Variants in TRAPPC9 observed in about 807,000 individuals in gnomAD.
The protein encoded by TRAPPC9 is trafficking protein particle complex subunit 9.
Under a neutral mutation model 124.0 loss-of-function variants are expected in TRAPPC9, and 83 were observed. The observed-to-expected ratio is 0.67, with a 90% CI of 0.56 to 0.80. TRAPPC9 has a LOEUF of 0.80. Ranked by LOEUF, TRAPPC9 falls within the 30% of genes least tolerant of loss-of-function variation. The pLI, the probability that TRAPPC9 is intolerant of heterozygous loss-of-function variation, is 0.00. For synonymous variants in TRAPPC9, 638 were observed against 617.5 expected (o/e 1.03, Z -0.49); for missense variants, 1,302 against 1,508.3 (o/e 0.86, Z 2.27).
chr8:139,755,718 A>G (rs1225354345), intron 21 of TRAPPC9, among the ~76,000 whole-genome samples: 1 of 136,830 alleles, frequency 7.3e-6, no homozygotes, highest in African/African-American at 2.8e-5. Flanking sequence ...ATGTCGCAGG[A>G]GGAGCCAGGG....
intron 8 of TRAPPC9, among the ~76,000 whole-genome samples, chr8:140,370,294 C>A (rs2068244422): frequency 6.6e-6 from 1 of 152,038 alleles, no homozygotes; most frequent in Non-Finnish European, 1.5e-5. Flanking sequence ...CGCACGCCAC[C>A]ATGCCCAGCT....
At chr8:139,975,052 C>T (rs1006319554) in intron 19 of TRAPPC9, among the ~76,000 whole-genome samples, 1 of 152,160 alleles carries the variant, frequency 6.6e-6, no homozygotes, top group African/African-American at 2.4e-5. Flanking sequence ...CTCTCCAGCT[C>T]ACTCTCCAGG....
chr8:140,036,127 C>T (rs1308812005), intron 17 of TRAPPC9, among the ~76,000 whole-genome samples: 1 of 152,100 alleles, frequency 6.6e-6, no homozygotes, highest in Non-Finnish European at 1.5e-5. Context: ...ACCACACAGG[C>T]ACACCAGGCT....
intron 21 of TRAPPC9, among the ~76,000 whole-genome samples, chr8:139,749,886 G>C (rs897626563): frequency 6.6e-6 from 1 of 152,200 alleles, no homozygotes; most frequent in Non-Finnish European, 1.5e-5. Flanking sequence ...TTAGAAGCGG[G>C]GCCACAGGCA....
intron 8 of TRAPPC9, among the ~76,000 whole-genome samples, chr8:140,363,889 C>T (rs115332496): frequency 0.03 from 4,567 of 152,274 alleles, 134 homozygotes; most frequent in African/African-American, 0.078. Context: ...TCAGCCACTG[C>T]ACCCGGCCCC....
chr8:140,088,428 T>A (rs73725398), intron 17 of TRAPPC9, among the ~76,000 whole-genome samples: 1 of 152,116 alleles, frequency 6.6e-6, no homozygotes, highest in Non-Finnish European at 1.5e-5. Context: ...AATGGAAAAG[T>A]TGTAGCACAG....
intron 17 of TRAPPC9, among the ~76,000 whole-genome samples, chr8:140,114,085 T>C (rs535656885): frequency 3.3e-5 from 5 of 152,324 alleles, no homozygotes; most frequent in Non-Finnish European, 5.9e-5. Context: ...GCACCCAGTA[T>C]GCACCTCCAG....
chr8:139,981,311 C>T (rs4310182), intron 19 of TRAPPC9, among the ~76,000 whole-genome samples: 31,306 of 152,112 alleles, frequency 0.21, 4,068 homozygotes, highest in African/African-American at 0.38. Context: ...TCCATCTCCC[C>T]GCATCAGCTG....
intron 15 of TRAPPC9, among the ~76,000 whole-genome samples, chr8:140,266,355 T>C (rs6578090): frequency 0.79 from 120,382 of 151,752 alleles, 48,434 homozygotes; most frequent in African/African-American, 0.95. Context: ...CCCAGCTACT[T>C]GGAACGCTAA....
chr8:139,734,096 G>A (rs1818006860), intron 21 of TRAPPC9, among the ~76,000 whole-genome samples: 1 of 152,210 alleles, frequency 6.6e-6, no homozygotes. Flanking sequence ...CCAATTCCCA[G>A]CGAGTCCTGG....
At chr8:139,951,997 A>C (rs1834674544) in intron 19 of TRAPPC9, among the ~76,000 whole-genome samples, 1 of 152,210 alleles carries the variant, frequency 6.6e-6, no homozygotes, top group Non-Finnish European at 1.5e-5. Flanking sequence ...TATTTTCATC[A>C]AGGATAAATT....
chr8:139,820,104 A>G (rs186078405), intron 21 of TRAPPC9, among the ~76,000 whole-genome samples: 2 of 152,188 alleles, frequency 1.3e-5, no homozygotes, highest in East Asian at 3.9e-4. Flanking sequence ...GATAAATGCC[A>G]AAAGACATTT....
intron 19 of TRAPPC9, among the ~76,000 whole-genome samples, chr8:139,955,140 T>A (rs1240941190): frequency 1.3e-5 from 2 of 151,598 alleles, no homozygotes. Flanking sequence ...GTGAAAGGGG[T>A]CGGATTTCAA....
chr8:140,024,712 T>G (rs1378849816), intron 17 of TRAPPC9, among the ~76,000 whole-genome samples: 1 of 151,388 alleles, frequency 6.6e-6, no homozygotes, highest in Non-Finnish European at 1.5e-5. Context: ...GACAGGCATG[T>G]GGGATGACAG....
At chr8:140,092,475 G>A (rs1040837564) in intron 17 of TRAPPC9, among the ~76,000 whole-genome samples, 6 of 152,274 alleles carry the variant, frequency 3.9e-5, no homozygotes, top group South Asian at 4.1e-4. Context: ...GGGACTACAG[G>A]CATGAGCCAC....
At chr8:140,086,026 A>G (rs144506734) in intron 17 of TRAPPC9, among the ~76,000 whole-genome samples, 1 of 152,076 alleles carries the variant, frequency 6.6e-6, no homozygotes. Context: ...CTCTAAGAAG[A>G]CTTCTCCATT....
In TRAPPC9 at chr8:140,381,858, A is replaced by C. The variant is rs536806522; in HGVS notation, c.1135-10678T>G. 2.2e-3 allele frequency among the ~76,000 whole-genome samples: 334 copies of C among 152,280 alleles called. 3 individuals are homozygous for C. Among genetic ancestry groups the C allele is most frequent in the African/African-American group, 7.7e-3 (319 of 41,554 alleles). ...TGGAACCTTCAGACATTGCTGGTAG[A>C]AATGTAAAATGGTGCAGCTGCTTTG... is the stretch of plus-strand genomic sequence containing the variant. On this transcript the variant is annotated intron_variant, in intron 7 of 22. Transcript: ENST00000438773.
intron 21 of TRAPPC9, among the ~76,000 whole-genome samples, chr8:139,796,077 A>AG (rs1823055491): frequency 1.4e-5 from 2 of 140,122 alleles, no homozygotes; most frequent in African/African-American, 5.8e-5. Context: ...GAGGAGGAGG[A>AG]AGAGGAGAAG....
chr8:140,247,315 T>A (rs1418147182), intron 16 of TRAPPC9, among the ~76,000 whole-genome samples: 1 of 152,246 alleles, frequency 6.6e-6, no homozygotes, highest in Non-Finnish European at 1.5e-5. Flanking sequence ...ATCTCTGGCT[T>A]AAATTTTCAT....
Sources: gnomAD v4.1 joint callset for allele counts (sites outside exome capture counted in the v4.1 genomes callset) on GRCh38, gnomAD v4.1.1 for gene constraint, MANE v1.5 for transcripts, NCBI Gene and HGNC (gene_info 2026-07-23, HGNC 2026-07-21) for gene names.